PCM1: variants seen among roughly 807,000 people sequenced by gnomAD.
The protein encoded by PCM1 is pericentriolar material 1 protein.
In PCM1, 157 loss-of-function variants were observed where a neutral mutation model predicts 241.9. The ratio of observed to expected loss-of-function variants is 0.65; its 90% confidence interval spans 0.57 to 0.74. The LOEUF is 0.74. Among genes scored for constraint, PCM1 ranks in the 30% least tolerant of loss-of-function variants. The pLI is 0.00. For synonymous variants in PCM1, 1,085 were observed against 784.9 expected, an observed-to-expected ratio of 1.38 and a Z score of -6.39; for missense variants, 3,478 against 2,360.1, an observed-to-expected ratio of 1.47 and a Z score of -9.81.
At chr8:17,933,122 A>G (rs1045787507) in intron 2 of PCM1, among the ~76,000 whole-genome samples, 1 of 152,238 alleles carries the variant, frequency 6.6e-6, no homozygotes, top group African/African-American at 2.4e-5. Flanking sequence ...CTCCTACATC[A>G]TAGAATTGTT....
At chr8:17,953,943 A>C (rs2067032301) in intron 9 of PCM1, among the ~76,000 whole-genome samples, 1 of 152,332 alleles carries the variant, frequency 6.6e-6, no homozygotes, top group South Asian at 2.1e-4. Flanking sequence ...GGGATTTAAA[A>C]ATAACAAAAC....
chr8:17,929,100 C>T (rs1165860630), intron 2 of PCM1, among the ~76,000 whole-genome samples: 1 of 151,998 alleles, frequency 6.6e-6, no homozygotes, highest in East Asian at 1.9e-4. Context: ...TAATACATTC[C>T]AGTTATGGAA....
chr8:17,957,229 C>A, intron 11 of PCM1, 35 bp from the exon 12 acceptor site: 16 of 1,523,994 alleles, frequency 1.0e-5, no homozygotes, highest in Non-Finnish European at 1.4e-5. Context: ...TTTTTTTGTG[C>A]CTTAAATGAC....
intron 24 of PCM1, among the ~76,000 whole-genome samples, chr8:17,981,346 C>G (rs944710469): frequency 6.6e-6 from 1 of 152,194 alleles, no homozygotes; most frequent in African/African-American, 2.4e-5. Context: ...AATTCTGAAA[C>G]TCCATTCTAA....
intron 22 of PCM1, among the ~76,000 whole-genome samples, chr8:17,972,078 T>C (rs2077042190): frequency 6.6e-6 from 1 of 152,228 alleles, no homozygotes; most frequent in Non-Finnish European, 1.5e-5. Flanking sequence ...CCATTGCTAA[T>C]GCTAGATCTT....
At chr8:17,948,203 A>T (rs917533574) in intron 7 of PCM1, among the ~76,000 whole-genome samples, 1 of 151,814 alleles carries the variant, frequency 6.6e-6, no homozygotes, top group African/African-American at 2.4e-5. Context: ...CTGCTGTCCA[A>T]ACCTAGCCCA....
At chr8:17,964,106 G>T (rs945709841) in intron 17 of PCM1, among the ~76,000 whole-genome samples, 2 of 152,066 alleles carry the variant, frequency 1.3e-5, no homozygotes, top group African/African-American at 4.8e-5. Context: ...AGATATAGGT[G>T]GTTATTTAAA....
At chr8:17,980,480 C>T (rs1210161714) in intron 23 of PCM1, 111 bp from the exon 24 acceptor site, 2 of 772,810 alleles carry the variant, frequency 2.6e-6, no homozygotes, top group East Asian at 2.6e-5. Context: ...TATACCAGGC[C>T]TTCCTAGCAT....
chr8:17,993,755 C>T, intron 29 of PCM1, 136 bp downstream of exon 29: 1 of 625,962 alleles, frequency 1.6e-6, no homozygotes, highest in Middle Eastern at 4.4e-4. Context: ...ATTTTTTCAC[C>T]CTACCAACAT....
intron 13 of PCM1, among the ~76,000 whole-genome samples, 188 bp from the exon 14 acceptor site, chr8:17,959,826 A>G (rs1024722942): frequency 6.6e-6 from 1 of 152,222 alleles, no homozygotes; most frequent in African/African-American, 2.4e-5. Context: ...TGAGATAAAC[A>G]TGTATGCAAA....
chr8:17,937,049 AACTG>A, intron 3 of PCM1, 81 bp from the exon 4 acceptor site: 2 of 1,073,584 alleles, frequency 1.9e-6, no homozygotes, highest in Non-Finnish European at 2.6e-6. Flanking sequence ...TTAATTTTAA[AACTG>A]ACCAAAACTT....
chr8:17,960,408 A>G lies in PCM1; in HGVS notation c.2286A>G (p.Lys762=). ...AGAAACTGATTGACATTCAGGAGAAAATTCAAGCATTGCAAACGGCATGCC... is the reference window on the plus strand; with the variant it reads ...AGAAACTGATTGACATTCAGGAGAAGATTCAAGCATTGCAAACGGCATGCC... ...ERKKLIDIQE[K]IQALQTACPD... is the part of the protein sequence containing the mutation. The change falls in exon 15 of 39, where the codon AAA becomes AAG. Residue 762 remains lysine (K), a synonymous_variant. Transcript: ENST00000325083. 5 of 1,605,492 alleles carry G rather than the reference A, an allele frequency of 3.1e-6. No homozygotes were observed. The highest frequency in any genetic ancestry group is 4.2e-6 in the Non-Finnish European group (5 of 1,177,062).
At chr8:17,959,897 T>G in intron 13 of PCM1, 117 bp from the exon 14 acceptor site, 2 of 959,532 alleles carry the variant, frequency 2.1e-6, no homozygotes, top group Non-Finnish European at 3.1e-6. Flanking sequence ...AAACGTGCTT[T>G]CTTTACTGCT....
intron 22 of PCM1, 43 bp from the exon 23 acceptor site, chr8:17,972,286 A>G: frequency 1.7e-6 from 2 of 1,166,816 alleles, no homozygotes; most frequent in Non-Finnish European, 2.3e-6. Flanking sequence ...AGTTTTTGTA[A>G]ACTATAGTTG....
At chr8:17,963,559 T>A (rs767226218) in intron 17 of PCM1, among the ~76,000 whole-genome samples, 2 of 152,224 alleles carry the variant, frequency 1.3e-5, no homozygotes, top group Non-Finnish European at 2.9e-5. Context: ...TGTATAAGCC[T>A]TATTAGTTAA....
intron 8 of PCM1, among the ~76,000 whole-genome samples, chr8:17,952,556 C>T (rs2066481872): frequency 6.6e-6 from 1 of 152,084 alleles, no homozygotes; most frequent in East Asian, 1.9e-4. Context: ...AATAACACAA[C>T]AATTTTTAAA....
At chr8:17,940,131 T>A in intron 6 of PCM1, 1 of 1,561,112 alleles carries the variant, frequency 6.4e-7, no homozygotes, top group Non-Finnish European at 8.6e-7. Flanking sequence ...TAAACATAGA[T>A]GTGCAGTCTG....
At position 17,954,669 on chromosome 8, in the gene PCM1, T is replaced by C. The variant is rs1433161555; in HGVS notation, c.1289-801T>C. Reference sequence around the variant, plus strand: ...TTGTGGTACTAAAGTGAGCAACAAATAATGATGGTTCCTTTGAGAAAGATA... The same window carrying C: ...TTGTGGTACTAAAGTGAGCAACAAACAATGATGGTTCCTTTGAGAAAGATA... On this transcript the variant is annotated intron_variant, in intron 9 of 38. Transcript: ENST00000325083. Among the ~76,000 whole-genome samples, 8 of 152,224 alleles carry C rather than the reference T, an allele frequency of 5.3e-5. No individual in the cohort carries two copies. In the East Asian group the frequency reaches 1.4e-3, roughly 26 times the overall value.
At chr8:17,961,303 G>GTTTTTT (rs2071828987) in intron 15 of PCM1, among the ~76,000 whole-genome samples, 2 of 87,646 alleles carry the variant, frequency 2.3e-5, no homozygotes, top group Admixed American at 1.1e-4. Flanking sequence ...TTATTGGCTA[G>GTTTTTT]CTTTTTTTTT....
Sources: gnomAD v4.1 joint callset for allele counts (sites outside exome capture counted in the v4.1 genomes callset) on GRCh38, gnomAD v4.1.1 for gene constraint, MANE v1.5 for transcripts, NCBI Gene and HGNC (gene_info 2026-07-23, HGNC 2026-07-21) for gene names.